Variants in PARP11 observed in about 807,000 individuals in gnomAD.
PARP11 encodes the protein poly(ADP-ribose) polymerase family member 11, also known as protein mono-ADP-ribosyltransferase PARP11.
A neutral mutation model predicts 42.9 loss-of-function variants in PARP11; 31 were observed. The observed-to-expected ratio is 0.72, with a 90% confidence interval of 0.54 to 0.98. The LOEUF (loss-of-function observed/expected upper bound fraction) is 0.98. Among genes scored for constraint, PARP11 ranks in the 50% least tolerant of loss-of-function variants. The pLI is 0.00. For synonymous variants in PARP11, 137 were observed against 127.3 expected, an observed-to-expected ratio of 1.08 and a Z score of -0.51; for missense variants, 365 against 413.1, an observed-to-expected ratio of 0.88 and a Z score of 1.01.
In PARP11 at chr12:3,855,557, C is replaced by A. The variant is rs549856627; in HGVS notation, c.18+17655G>T. Among the ~76,000 whole-genome samples the A allele has an allele frequency of 1.5e-3, 222 of 152,218 alleles. 1 individual carries two copies. Among genetic ancestry groups the A allele is most frequent in the East Asian group, 5.4e-3 (28 of 5,182 alleles). The stretch of plus-strand genomic sequence containing the variant: ...CAAAGAGAATAAAATACCTAGGAAT[C>A]CAACTTACAAGGGATGTGAAGGACC... On this transcript the variant is annotated intron_variant, in intron 1 of 7. Coordinates refer to ENST00000228820, the MANE Select transcript of PARP11 (RefSeq NM_020367.6).
chr12:3,832,240 A>C (rs1268149119), intron 1 of PARP11: 1 of 240,568 alleles, frequency 4.2e-6, no homozygotes, highest in African/African-American at 2.3e-5. Flanking sequence ...AAGCACTTCA[A>C]ATCTTATACA....
At chr12:3,862,152 G>A (rs538737911) in intron 1 of PARP11, among the ~76,000 whole-genome samples, 1 of 152,280 alleles carries the variant, frequency 6.6e-6, no homozygotes, top group Non-Finnish European at 1.5e-5. Context: ...TCTCAGCCAG[G>A]CATAGTGGCT....
At chr12:3,851,256 G>A (rs1173399392) in intron 1 of PARP11, among the ~76,000 whole-genome samples, 1 of 152,226 alleles carries the variant, frequency 6.6e-6, no homozygotes. Context: ...ATTGGGACTG[G>A]TTGGGCAGCG....
intron 1 of PARP11, among the ~76,000 whole-genome samples, chr12:3,856,874 A>G (rs1565549447): frequency 6.6e-6 from 1 of 152,196 alleles, no homozygotes; most frequent in Non-Finnish European, 1.5e-5. Context: ...ACTTGGAACC[A>G]ACCCAAATGT....
At chr12:3,846,119 A>G (rs1947987866) in intron 1 of PARP11, among the ~76,000 whole-genome samples, 1 of 152,292 alleles carries the variant, frequency 6.6e-6, no homozygotes, top group South Asian at 2.1e-4. Flanking sequence ...TTATCATATC[A>G]CTTTTTGTAA....
chr12:3,818,141 C>T (rs540806458), intron 6 of PARP11, among the ~76,000 whole-genome samples: 15 of 152,280 alleles, frequency 9.9e-5, no homozygotes, highest in Admixed American at 2.0e-4. Context: ...AAGCCCTCAA[C>T]GCTGACAGAA....
At chr12:3,857,044 C>T (rs553280465) in intron 1 of PARP11, among the ~76,000 whole-genome samples, 6 of 151,718 alleles carry the variant, frequency 4.0e-5, no homozygotes, top group East Asian at 3.9e-4. Flanking sequence ...AACCAAACAC[C>T]GCACGTTCTC....
chr12:3,848,722 G>A (rs1055575853), intron 1 of PARP11, among the ~76,000 whole-genome samples: 2 of 151,976 alleles, frequency 1.3e-5, no homozygotes, highest in African/African-American at 4.8e-5. Flanking sequence ...AAAACACTGG[G>A]GAAATAAGAA....
rs1419568704 is a variant in PARP11 at position 3,822,142 on chromosome 12, G to A, written c.360C>T (p.Asn120=). ...SISAFSYICE[N]EAIPMPPHWE... is the part of the protein sequence containing the mutation. ...AGTGTGGTGGCATAGGGATGGCCTC[G>A]TTTTCACAGATGTAACTTGAAACAG... The change falls in exon 5 of 8, where the codon AAC becomes AAT. Residue 120 remains asparagine (N), a synonymous_variant. Transcript: ENST00000228820. The A allele has an allele frequency of 6.2e-7, 1 of 1,613,458 alleles. No individual in the cohort carries two copies. The highest frequency in any genetic ancestry group is 8.5e-7 in the Non-Finnish European group (1 of 1,179,512).
At chr12:3,812,532 A>C (rs1947203006) in intron 7 of PARP11, 93 bp from the exon 8 acceptor site, 5 of 822,118 alleles carry the variant, frequency 6.1e-6, no homozygotes, top group Non-Finnish European at 9.5e-6. Flanking sequence ...AGATGCATAG[A>C]ATTGTATAAT....
At chr12:3,829,106 C>A in intron 2 of PARP11, 76 bp from the exon 3 acceptor site, 2 of 1,536,986 alleles carry the variant, frequency 1.3e-6, no homozygotes, top group South Asian at 2.3e-5. Flanking sequence ...GTACTGTGGT[C>A]ATAGAGACAG....
chr12:3,859,530 C>A lies in PARP11; in HGVS notation c.18+13682G>T, dbSNP rs1053874818. On this transcript the variant is annotated intron_variant, in intron 1 of 7. Coordinates refer to ENST00000228820, the MANE Select transcript of PARP11 (RefSeq NM_020367.6). ...TGAGCTGAGATTGCACCACTGCCCT[C>A]CAGCCTGGGTGACAGAGTGAGACTC... 2.0e-5 allele frequency among the ~76,000 whole-genome samples: 3 copies of A among 149,480 alleles called. No individual in the cohort carries two copies. The East Asian group carries it at 5.9e-4, about 29-fold the overall frequency.
At chr12:3,863,516 A>C (rs184372203) in intron 1 of PARP11, among the ~76,000 whole-genome samples, 1 of 152,300 alleles carries the variant, frequency 6.6e-6, no homozygotes, top group African/African-American at 2.4e-5. Context: ...TCCCTAAGAC[A>C]ACCCTCAGGG....
At chr12:3,855,445 C>T (rs1301981699) in intron 1 of PARP11, among the ~76,000 whole-genome samples, 3 of 152,180 alleles carry the variant, frequency 2.0e-5, no homozygotes, top group Non-Finnish European at 2.9e-5. Flanking sequence ...TCTCAGGATA[C>T]AAAATCAATG....
At chr12:3,833,583 C>T (rs916346713) in intron 1 of PARP11, among the ~76,000 whole-genome samples, 17 of 152,078 alleles carry the variant, frequency 1.1e-4, no homozygotes, top group Non-Finnish European at 1.6e-4. Context: ...CAGCTTGACA[C>T]GGCAGAACCC....
At position 3,809,991 on chromosome 12, in the gene PARP11, T is replaced by C. The variant is rs984867492; in HGVS notation, c.*2132A>G. The C allele has an allele frequency of 1.3e-5, 2 of 152,262 alleles. No individual in the cohort carries two copies. The highest frequency in any genetic ancestry group is 2.9e-5 in the Non-Finnish European group (2 of 68,052). 9.4% of individuals were successfully genotyped at this position (152,262 alleles called of 1,614,324 possible). On this transcript the variant is annotated 3_prime_UTR_variant, in exon 8 of 8. Coordinates refer to ENST00000228820, the MANE Select transcript of PARP11 (RefSeq NM_020367.6). ...GTCCTGGGTACTACTTACCTCCCAC[T>C]GCACAATTACACATATGCTGGTCTA...
chr12:3,816,777 C>T (rs1947294695), intron 6 of PARP11, among the ~76,000 whole-genome samples: 2 of 152,304 alleles, frequency 1.3e-5, no homozygotes, highest in South Asian at 4.2e-4. Flanking sequence ...TGGCACACAC[C>T]TGTAATCCCA....
intron 1 of PARP11, among the ~76,000 whole-genome samples, chr12:3,836,042 T>A (rs987171247): frequency 1.3e-5 from 2 of 151,864 alleles, no homozygotes; most frequent in African/African-American, 4.8e-5. Context: ...CACATATATA[T>A]ATATACACAC....
chr12:3,814,930 G>A (rs529742446), intron 6 of PARP11: 8 of 411,300 alleles, frequency 1.9e-5, no homozygotes, highest in Non-Finnish European at 3.4e-5. Context: ...ATAATACTGT[G>A]TATTATGTAG....
Sources: allele counts gnomAD v4.1 joint callset (sites outside exome capture counted in the v4.1 genomes callset), GRCh38; gene constraint gnomAD v4.1.1; transcripts MANE v1.5; gene names NCBI Gene and HGNC (gene_info 2026-07-23, HGNC 2026-07-21).